AFG2A: variants seen among roughly 807,000 people sequenced by gnomAD.
The protein encoded by AFG2A is ATPase family gene 2 protein homolog A.
At chr4:123,171,224 A>G in the AFG2A span, among the ~76,000 whole-genome samples, 1 of 152,182 alleles carries the variant, frequency 6.6e-6, no homozygotes, top group East Asian at 1.9e-4. Context: ...ATGCTTATAA[A>G]AGTTCTCAGA....
chr4:123,049,172 C>T, the AFG2A span, among the ~76,000 whole-genome samples: 4 of 152,036 alleles, frequency 2.6e-5, no homozygotes, highest in African/African-American at 4.8e-5. Context: ...TTTATTGATT[C>T]GCATATGTTG....
chr4:122,974,318 T>C, the AFG2A span, among the ~76,000 whole-genome samples: 7 of 152,340 alleles, frequency 4.6e-5, no homozygotes, highest in African/African-American at 1.7e-4. Context: ...TCAGTTTTTC[T>C]GTCTCAGTAG....
the AFG2A span, among the ~76,000 whole-genome samples, chr4:123,217,817 T>C: frequency 6.6e-6 from 1 of 152,210 alleles, no homozygotes; most frequent in Non-Finnish European, 1.5e-5. Context: ...TTTCCTCTCT[T>C]TACTTTTCCA....
At chr4:123,015,048 CCT>C in the AFG2A span, among the ~76,000 whole-genome samples, 14 of 152,178 alleles carry the variant, frequency 9.2e-5, no homozygotes, top group South Asian at 2.1e-4. Context: ...GAAGCAAAGA[CCT>C]CTTTGAACAC....
chr4:123,145,503 C>G, the AFG2A span, among the ~76,000 whole-genome samples: 1 of 152,068 alleles, frequency 6.6e-6, no homozygotes, highest in Non-Finnish European at 1.5e-5. Flanking sequence ...ATGTTAAGCA[C>G]TTTTCATTAT....
the AFG2A span, among the ~76,000 whole-genome samples, chr4:123,204,149 G>C: frequency 6.6e-6 from 1 of 152,124 alleles, no homozygotes. Context: ...ACTGATCAAC[G>C]ACCTGGATTT....
the AFG2A span, among the ~76,000 whole-genome samples, chr4:122,957,543 T>A: frequency 6.6e-6 from 1 of 152,200 alleles, no homozygotes; most frequent in African/African-American, 2.4e-5. Context: ...GATGTGTGCA[T>A]TGAGCATAGG....
At chr4:123,069,900 T>C in the AFG2A span, among the ~76,000 whole-genome samples, 1 of 151,996 alleles carries the variant, frequency 6.6e-6, no homozygotes. Flanking sequence ...CTATTAGGAG[T>C]GTATTAAAGG....
At chr4:123,134,208 T>G in the AFG2A span, among the ~76,000 whole-genome samples, 1 of 152,164 alleles carries the variant, frequency 6.6e-6, no homozygotes, top group Non-Finnish European at 1.5e-5. Flanking sequence ...CTTTTTCTCT[T>G]AGGTTTTCTT....
chr4:123,062,812 A>C, the AFG2A span, among the ~76,000 whole-genome samples: 1 of 152,216 alleles, frequency 6.6e-6, no homozygotes, highest in East Asian at 1.9e-4. Flanking sequence ...AAACTTCATT[A>C]TGTGGCACAT....
the AFG2A span, among the ~76,000 whole-genome samples, chr4:123,045,713 G>C: frequency 4.9e-4 from 74 of 152,256 alleles, no homozygotes; most frequent in Non-Finnish European, 8.2e-4. Context: ...CTTTGATTAT[G>C]GTGGTGTCAG....
At chr4:123,066,602 C>T in the AFG2A span, among the ~76,000 whole-genome samples, 1 of 152,018 alleles carries the variant, frequency 6.6e-6, no homozygotes, top group African/African-American at 2.4e-5. Flanking sequence ...TAAAAATTCT[C>T]ATGTATCTAA....
At chr4:123,288,840 C>A in the AFG2A span, among the ~76,000 whole-genome samples, 2 of 152,128 alleles carry the variant, frequency 1.3e-5, no homozygotes, top group Non-Finnish European at 2.9e-5. Context: ...GTGGTTTCAA[C>A]CCCTGTCACA....
the AFG2A span, among the ~76,000 whole-genome samples, chr4:123,261,844 A>C: frequency 6.6e-6 from 1 of 152,090 alleles, no homozygotes; most frequent in Non-Finnish European, 1.5e-5. Context: ...CAGTGTCATG[A>C]TCATACCTTA....
chr4:123,289,414 TCGA>T, the AFG2A span, among the ~76,000 whole-genome samples: 7 of 152,198 alleles, frequency 4.6e-5, no homozygotes, highest in Admixed American at 4.6e-4. Flanking sequence ...CTCTTATTGG[TCGA>T]TGGGCACTTA....
the AFG2A span, among the ~76,000 whole-genome samples, chr4:123,122,781 G>GTTT: frequency 1.5e-5 from 2 of 132,242 alleles, no homozygotes; most frequent in Admixed American, 7.4e-5. Flanking sequence ...CTGTTTTTTT[G>GTTT]TTTTTTTTTT....
chr4:122,948,359 C>CTA, the AFG2A span, among the ~76,000 whole-genome samples: 3 of 147,402 alleles, frequency 2.0e-5, no homozygotes, highest in Non-Finnish European at 3.0e-5. Context: ...TAAGGGATGA[C>CTA]TATATCCTAC....
chr4:123,056,338 C>A, the AFG2A span: 1 of 1,535,482 alleles, frequency 6.5e-7, no homozygotes, highest in Non-Finnish European at 8.8e-7. Flanking sequence ...AAGAAATATA[C>A]ATGATTGCAT....
chr4:123,016,858 G>A, the AFG2A span, among the ~76,000 whole-genome samples: 4 of 152,202 alleles, frequency 2.6e-5, no homozygotes, highest in Non-Finnish European at 4.4e-5. Flanking sequence ...ACCAGACTCC[G>A]TCTGCAATCC....
Sources: gnomAD v4.1 joint callset for allele counts (sites outside exome capture counted in the v4.1 genomes callset) on GRCh38, gnomAD v4.1.1 for gene constraint, MANE v1.5 for transcripts, NCBI Gene and HGNC (gene_info 2026-07-23, HGNC 2026-07-21) for gene names.